GHR: variants seen among roughly 807,000 people sequenced by gnomAD.
The protein encoded by GHR is growth hormone receptor.
A neutral mutation model predicts 67.1 loss-of-function variants in GHR; 35 were observed. The ratio of observed to expected loss-of-function variants is 0.52; its 90% CI spans 0.40 to 0.69. The LOEUF (loss-of-function observed/expected upper bound fraction) is 0.69. Among genes scored for constraint, GHR ranks in the 30% least tolerant of loss-of-function variants. GHR has a pLI of 0.00. For synonymous variants in GHR, 272 were observed against 269.1 expected, an observed-to-expected ratio of 1.01 and a Z score of -0.10; for missense variants, 792 against 764.6, an observed-to-expected ratio of 1.04 and a Z score of -0.42.
intron 2 of GHR, among the ~76,000 whole-genome samples, chr5:42,615,104 C>A (rs1237687453): frequency 5.9e-5 from 9 of 152,078 alleles, no homozygotes; most frequent in Middle Eastern, 3.4e-3. Flanking sequence ...ATGTGGCATT[C>A]CTTGCACCCT....
chr5:42,519,328 A>G (rs1004159550), intron 1 of GHR, among the ~76,000 whole-genome samples: 3 of 152,310 alleles, frequency 2.0e-5, no homozygotes, highest in African/African-American at 7.2e-5. Flanking sequence ...CAGCTCATAA[A>G]TTCTCATTTT....
At chr5:42,536,480 A>G (rs143254023) in intron 1 of GHR, among the ~76,000 whole-genome samples, 1,577 of 152,234 alleles carry the variant, frequency 0.01, 7 homozygotes, top group Non-Finnish European at 0.016. Context: ...TGACTTGCAT[A>G]TGTTAAACCA....
At chr5:42,693,726 C>A (rs1417946127) in intron 4 of GHR, among the ~76,000 whole-genome samples, 1 of 152,182 alleles carries the variant, frequency 6.6e-6, no homozygotes, top group Non-Finnish European at 1.5e-5. Flanking sequence ...AGCACCCATC[C>A]CACAGAGGGA....
intron 7 of GHR, among the ~76,000 whole-genome samples, chr5:42,712,947 G>A (rs1402374859): frequency 6.6e-6 from 1 of 151,450 alleles, no homozygotes; most frequent in Non-Finnish European, 1.5e-5. Flanking sequence ...AGAAGTTTCT[G>A]TCATGATTTA....
intron 1 of GHR, among the ~76,000 whole-genome samples, chr5:42,488,319 A>G (rs1202522342): frequency 6.6e-6 from 1 of 152,214 alleles, no homozygotes; most frequent in Non-Finnish European, 1.5e-5. Context: ...GAGGTCCAGG[A>G]TATAGGTAAC....
intron 1 of GHR, among the ~76,000 whole-genome samples, chr5:42,431,746 T>C (rs1407565022): frequency 6.6e-6 from 1 of 152,230 alleles, no homozygotes; most frequent in Non-Finnish European, 1.5e-5. Context: ...AAGATAAATC[T>C]ATCTCCAGCT....
At chr5:42,435,621 T>G (rs1041940337) in intron 1 of GHR, among the ~76,000 whole-genome samples, 1 of 152,204 alleles carries the variant, frequency 6.6e-6, no homozygotes, top group Non-Finnish European at 1.5e-5. Flanking sequence ...TCCATAATCA[T>G]GATATATTTG....
At chr5:42,708,062 C>T (rs1018518649) in intron 6 of GHR, among the ~76,000 whole-genome samples, 3 of 151,948 alleles carry the variant, frequency 2.0e-5, no homozygotes, top group Non-Finnish European at 2.9e-5. Flanking sequence ...TTTAGCAGTT[C>T]TTGTAAGATA....
intron 3 of GHR, among the ~76,000 whole-genome samples, chr5:42,682,580 G>A (rs936533378): frequency 1.3e-5 from 2 of 152,078 alleles, no homozygotes; most frequent in African/African-American, 4.8e-5. Flanking sequence ...CAGCCACAGC[G>A]GCACAATGGT....
rs1409500266 is a variant in GHR, at chr5:42,688,974, A to G, written c.221A>G (p.His74Arg). 1.9e-6 allele frequency: 3 copies of G among 1,612,844 alleles called. No individual in the cohort carries two copies. Among genetic ancestry groups the G allele is most frequent in the South Asian group, 1.1e-5 (1 of 91,076 alleles). Residue 74 changes from histidine (H) to arginine (R), a missense_variant, in exon 4 of 10, where the codon CAT becomes CGT. Coordinates refer to ENST00000230882, the MANE Select transcript of GHR (RefSeq NM_000163.5). ...FSCHWTDEVH[H>R]GTKNLGPIQL... ...TGCCACTGGACAGATGAGGTTCATC[A>G]TGGTACAAAGAACCTAGGACCCATA...
intron 1 of GHR, among the ~76,000 whole-genome samples, chr5:42,450,205 ATTC>A (rs1357413755): frequency 2.6e-5 from 4 of 152,104 alleles, no homozygotes; most frequent in South Asian, 2.1e-4. Flanking sequence ...TCAGTATCCA[ATTC>A]TTCTTTAAAT....
intron 1 of GHR, among the ~76,000 whole-genome samples, chr5:42,454,292 G>A (rs553929206): frequency 1.2e-4 from 18 of 152,338 alleles, no homozygotes; most frequent in Admixed American, 5.9e-4. Context: ...TAGTATTGAA[G>A]TTGCCACGTG....
chr5:42,506,298 A>G (rs1366098019), intron 1 of GHR, among the ~76,000 whole-genome samples: 2 of 152,208 alleles, frequency 1.3e-5, no homozygotes. Context: ...GGACCCTCTT[A>G]TGATTTAATG....
intron 2 of GHR, among the ~76,000 whole-genome samples, chr5:42,589,006 C>T (rs1263153558): frequency 2.0e-5 from 3 of 152,144 alleles, no homozygotes; most frequent in Admixed American, 6.5e-5. Context: ...TGCCCTAAAC[C>T]ATATTTCAAT....
At chr5:42,648,191 A>G (rs1303037676) in intron 3 of GHR, among the ~76,000 whole-genome samples, 1 of 152,140 alleles carries the variant, frequency 6.6e-6, no homozygotes, top group Non-Finnish European at 1.5e-5. Context: ...TTACACCCTA[A>G]CCATCACATG....
intron 1 of GHR, among the ~76,000 whole-genome samples, chr5:42,476,228 T>G (rs1048428751): frequency 6.7e-6 from 1 of 148,612 alleles, no homozygotes; most frequent in African/African-American, 2.5e-5. Context: ...TGTTTTTGTT[T>G]TTGTTTTTTT....
intron 1 of GHR, among the ~76,000 whole-genome samples, chr5:42,538,809 C>T (rs562095858): frequency 3.9e-5 from 6 of 152,134 alleles, no homozygotes; most frequent in Non-Finnish European, 8.8e-5. Context: ...CTCAGGAACA[C>T]CAATTATTCT....
chr5:42,530,141 C>CA (rs2112336727), intron 1 of GHR, among the ~76,000 whole-genome samples: 1 of 150,310 alleles, frequency 6.7e-6, no homozygotes, highest in Admixed American at 6.7e-5. Context: ...TTATAATGAT[C>CA]ACCATGATCA....
At chr5:42,668,029 A>T (rs1756081828) in intron 3 of GHR, among the ~76,000 whole-genome samples, 1 of 152,140 alleles carries the variant, frequency 6.6e-6, no homozygotes, top group Non-Finnish European at 1.5e-5. Context: ...CTGGATTACG[A>T]TCTTCAAGGT....
Sources: allele counts gnomAD v4.1 joint callset (sites outside exome capture counted in the v4.1 genomes callset), GRCh38; gene constraint gnomAD v4.1.1; transcripts MANE v1.5; gene names NCBI Gene and HGNC (gene_info 2026-07-23, HGNC 2026-07-21).